The following UBR4 variants were observed in gnomAD, a reference collection of about 807,000 sequenced individuals.
UBR4 encodes the protein ubiquitin protein ligase E3 component n-recognin 4, also known as E3 ubiquitin-protein ligase UBR4.
In UBR4, 124 loss-of-function variants were observed where a neutral mutation model predicts 575.6. The observed-to-expected ratio is 0.22, with a 90% CI of 0.19 to 0.25. UBR4 has a LOEUF of 0.25. Ranked by LOEUF, UBR4 falls within the 10% of genes least tolerant of loss-of-function variation. The pLI, the probability that UBR4 is intolerant of heterozygous loss-of-function variation, is 1.00. For missense variants in UBR4, 4,818 were observed against 6,478.8 expected, an observed-to-expected ratio of 0.74 and a Z score of 8.80; for synonymous variants, 2,455 against 2,473.7, an observed-to-expected ratio of 0.99 and a Z score of 0.22.
chr1:19,156,645 T>A, intron 41 of UBR4, 122 bp downstream of exon 41: 1 of 1,428,122 alleles, frequency 7.0e-7, no homozygotes, highest in Non-Finnish European at 9.4e-7. Flanking sequence ...TCCTTTTGCA[T>A]TTCAGTAGGT....
intron 1 of UBR4, among the ~76,000 whole-genome samples, chr1:19,205,046 T>C (rs1001622222): frequency 1.3e-5 from 2 of 152,192 alleles, no homozygotes; most frequent in African/African-American, 4.8e-5. Context: ...GAGGTGAAAG[T>C]ACATCTTTGC....
At chr1:19,151,959 T>A in intron 47 of UBR4, 100 bp from the exon 48 acceptor site, 1 of 1,132,946 alleles carries the variant, frequency 8.8e-7, no homozygotes, top group Non-Finnish European at 1.2e-6. Flanking sequence ...TGAAGCTCAT[T>A]AAAACTTATC....
chr1:19,173,599 T>C lies in UBR4; in HGVS notation c.3005A>G (p.Tyr1002Cys). ...TAGGATCCTCCACAGTATCAAGAAG[T>C]AATATTGAAGGGCACAGGCCTCCTG... ...TALEACALQY[Y>C]FLILWRILGI... Residue 1002 changes from tyrosine to cysteine, a missense_variant, in exon 23 of 106, where the codon TAC becomes TGC. Transcript: ENST00000375254. 6.2e-7 allele frequency: 1 copy of C among 1,614,038 alleles called. No individual in the cohort carries two copies. The highest frequency in any genetic ancestry group is 8.5e-7 in the Non-Finnish European group (1 of 1,179,990).
chr1:19,198,821 T>C lies in UBR4; in HGVS notation c.486A>G (p.Gln162=), dbSNP rs1359518533. Residue 162 remains glutamine, a synonymous_variant, in exon 4 of 106, where the codon CAA becomes CAG. Transcript: ENST00000375254. ...CACCGTCTGAAAGTGTCTTCACTGT[T>C]TGGGGCAGCTTGGCGGATTTCATCA... ...TAMMKSAKLP[Q]TVKTLSDVED... 1 of 1,614,242 alleles carries C rather than the reference T, an allele frequency of 6.2e-7. No homozygotes were observed. The highest frequency in any genetic ancestry group is 2.2e-5 in the East Asian group (1 of 44,894).
chr1:19,097,173 T>C lies in UBR4; in HGVS notation c.13390+20A>G, dbSNP rs1286543891. On this transcript the variant is annotated intron_variant, in intron 91 of 105. Transcript: ENST00000375254. ...CATGAGTCCCAAGCCTCAGATCCAA[T>C]GTGCAGTGCCATGATCTACCTGTAG... 10 of 1,597,078 alleles carry C rather than the reference T, an allele frequency of 6.3e-6. No individual in the cohort carries two copies. The highest frequency in any genetic ancestry group is 2.3e-5 in the East Asian group (1 of 44,436).
rs1557450980 is a variant in UBR4, at chr1:19,076,782, ACTC to A, written c.15442_15444del (p.Glu5148del). 6.2e-7 allele frequency: 1 copy of A among 1,613,708 alleles called. No individual in the cohort carries two copies. The highest frequency in any genetic ancestry group is 1.1e-5 in the South Asian group (1 of 91,048). The stretch of plus-strand genomic sequence containing the variant: ...TCTGAGAAGGTCTCCACTGGCATGA[ACTC>A]CTCCTGGAAGGTTTTCAGGGCTTTG... On this transcript the variant is annotated inframe_deletion, in exon 105 of 106. Transcript: ENST00000375254.
intron 25 of UBR4, among the ~76,000 whole-genome samples, chr1:19,172,139 G>C (rs1357468200): frequency 6.6e-6 from 1 of 152,142 alleles, no homozygotes; most frequent in Non-Finnish European, 1.5e-5. Context: ...TGCAGTGTTT[G>C]TTATAGAAAG....
Position 19,174,438 on chromosome 1 carries a change from C to T in UBR4, c.2863G>A (p.Val955Ile), listed in dbSNP as rs187255507. The T allele has an allele frequency of 6.9e-5, 111 of 1,608,960 alleles. No homozygotes were observed. In the East Asian group the frequency reaches 1.3e-3, roughly 19 times the overall value. ...TACTTGACAAGCTTGGAGAAAAGGA[C>T]GTCACATGCCTGACATCAAGAAAGA... ...LNRLDSVACD[V>I]LFSKLVKYDE... The change falls in exon 22 of 106, where the codon GTC becomes ATC. Residue 955 changes from valine to isoleucine, a missense_variant. Physicochemically the swap from Val to Ile is conservative, Grantham distance 29. Around this residue, in one of 29 missense-constraint regions of UBR4, gnomAD observed 1,172 missense variants for 1,259.7 expected, o/e 0.93. Transcript: ENST00000375254.
At position 19,114,660 on chromosome 1, in the gene UBR4, T is replaced by C. The variant is rs2080281223; in HGVS notation, c.11202+151A>G. On this transcript the variant is annotated intron_variant, in intron 75 of 105. Transcript: ENST00000375254. ...TTTCAATACAATATACCTCATGCCATTCTTTGCTCCCACCCAAAAGCTGGG... is the reference window on the plus strand; with the variant it reads ...TTTCAATACAATATACCTCATGCCACTCTTTGCTCCCACCCAAAAGCTGGG... 1.2e-5 allele frequency: 12 copies of C among 969,724 alleles called. 1 individual carries two copies. Among genetic ancestry groups the C allele is most frequent in the Admixed American group, 2.6e-5 (1 of 38,430 alleles). The allele number at this position is 969,724 out of a possible 1,614,324, so 60.1% of individuals were successfully genotyped here. A position where few individuals can be genotyped will look rare whatever the true frequency, so the allele number is the denominator to read the frequency against.
chr1:19,097,079 C>T (rs2078137333), intron 91 of UBR4, 114 bp downstream of exon 91: 2 of 805,018 alleles, frequency 2.5e-6, no homozygotes, highest in East Asian at 3.0e-5. Context: ...AATCTCCCCA[C>T]AATTCTGATG....
At chr1:19,201,596 G>A (rs2151709152) in intron 2 of UBR4, 122 bp downstream of exon 2, 4 of 714,710 alleles carry the variant, frequency 5.6e-6, no homozygotes, top group Non-Finnish European at 8.9e-6. Context: ...TCTTGGGTGA[G>A]CAGCTTAGGA....
chr1:19,128,912 G>A (rs2082114348), intron 61 of UBR4, 66 bp downstream of exon 61: 3 of 1,427,202 alleles, frequency 2.1e-6, no homozygotes, highest in East Asian at 2.3e-5. Context: ...CTGGAAGAGA[G>A]ATGTGGGCAT....
intron 51 of UBR4, 49 bp downstream of exon 51, chr1:19,147,944 T>C: frequency 6.3e-7 from 1 of 1,589,212 alleles, no homozygotes; most frequent in Non-Finnish European, 8.6e-7. Flanking sequence ...GCTAACTTAT[T>C]TGATTCCCTG....
chr1:19,093,491 G>C lies in UBR4; in HGVS notation c.13938-5C>G. ...CCACTGTGATCTTCATCATATCTAG[G>C]AGGAAAGAGCAGAGTTTGAGGGTGT... On this transcript the variant is annotated splice_polypyrimidine_tract_variant and splice_region_variant and intron_variant, in intron 95 of 105. Coordinates refer to ENST00000375254, the MANE Select transcript of UBR4 (RefSeq NM_020765.3). This position sits in a 1 kb window ranked among gnomAD's most constrained non-coding sequence, Gnocchi z 4.8. 1.2e-6 allele frequency: 2 copies of C among 1,613,946 alleles called. No individual in the cohort carries two copies. The highest frequency in any genetic ancestry group is 1.7e-6 in the Non-Finnish European group (2 of 1,179,904).
At position 19,172,504 on chromosome 1, in the gene UBR4, G is replaced by A. The variant is rs374520952; in HGVS notation, c.3521+360C>T. On this transcript the variant is annotated intron_variant, in intron 25 of 105. Coordinates refer to ENST00000375254, the MANE Select transcript of UBR4 (RefSeq NM_020765.3). Reference sequence around the variant, plus strand: ...TGCACTCCAGCCTGGGCGACAGAGCGAGATGCCATCTCAGAAAAAAATTTT... The same window carrying A: ...TGCACTCCAGCCTGGGCGACAGAGCAAGATGCCATCTCAGAAAAAAATTTT... Among the ~76,000 whole-genome samples, 47 of 152,224 alleles carry A rather than the reference G, an allele frequency of 3.1e-4. No homozygotes were observed. In the East Asian group the frequency reaches 7.9e-3, roughly 26 times the overall value.
intron 86 of UBR4, 120 bp from the exon 87 acceptor site, chr1:19,104,377 A>G: frequency 7.5e-7 from 1 of 1,332,316 alleles, no homozygotes; most frequent in Non-Finnish European, 1.0e-6. Context: ...TGCATGGCAC[A>G]GAGCAGGTGT....
Position 19,153,878 on chromosome 1 carries a change from G to C in UBR4, c.6520C>G (p.Pro2174Ala). 1.9e-6 allele frequency: 3 copies of C among 1,614,122 alleles called. No homozygotes were observed. Among genetic ancestry groups the C allele is most frequent in the Non-Finnish European group, 2.5e-6 (3 of 1,180,006 alleles). ...TGCTGGACACAGCACACCAAGCCAG[G>C]GTGGTTCATCACCTCAGACCACTGG... is the stretch of plus-strand genomic sequence containing the variant. ...LCQWSEVMNH[P>A]GLVCCVQQTT... Residue 2174 changes from proline to alanine, a missense_variant, in exon 45 of 106, where the codon CCT becomes GCT. Pro to Ala is a conservative substitution (Grantham distance 27). This residue lies in a region of UBR4 where 461 missense variants were observed against 606.9 expected (regional missense o/e 0.76). Coordinates refer to ENST00000375254, the MANE Select transcript of UBR4 (RefSeq NM_020765.3). The surrounding 1 kb of genome is among the most constrained non-coding windows in gnomAD (Gnocchi z 4.1).
At chr1:19,151,915 A>G in intron 47 of UBR4, 56 bp from the exon 48 acceptor site, 1 of 1,438,158 alleles carries the variant, frequency 7.0e-7, no homozygotes, top group Non-Finnish European at 9.4e-7. Context: ...AGTTTTAACT[A>G]GGACTCCTTC....
chr1:19,117,519 A>T lies in UBR4; in HGVS notation c.10630-105T>A. On this transcript the variant is annotated intron_variant, in intron 72 of 105. Coordinates refer to ENST00000375254, the MANE Select transcript of UBR4 (RefSeq NM_020765.3). This position sits in a 1 kb window ranked among gnomAD's most constrained non-coding sequence, Gnocchi z 4.0. ...TCTTCATCCACAAGATGAAGTTTCT[A>T]TTTAATTTTTTAAAAAATATTTTGT... 1 of 1,291,446 alleles carries T rather than the reference A, an allele frequency of 7.7e-7. No individual in the cohort carries two copies. The highest frequency in any genetic ancestry group is 1.1e-6 in the Non-Finnish European group (1 of 943,782). 80.0% of individuals were successfully genotyped at this position (1,291,446 alleles called of 1,614,324 possible).
Sources: allele counts gnomAD v4.1 joint callset (sites outside exome capture counted in the v4.1 genomes callset), GRCh38; gene constraint gnomAD v4.1.1; regional missense constraint gnomAD v4.1.1; non-coding constraint Gnocchi (gnomAD v3.1); transcripts MANE v1.5; gene names NCBI Gene and HGNC (gene_info 2026-07-23, HGNC 2026-07-21).